The following DYNC2H1 variants were observed in gnomAD, a reference collection of about 807,000 sequenced individuals.
The protein encoded by DYNC2H1 is cytoplasmic dynein 2 heavy chain 1.
Under a neutral mutation model 570.0 loss-of-function variants are expected in DYNC2H1, and 410 were observed. The ratio of observed to expected loss-of-function variants is 0.72; its 90% confidence interval spans 0.66 to 0.78. The LOEUF (loss-of-function observed/expected upper bound fraction) is 0.78, where lower values mean the gene tolerates loss of function less well. Among genes scored for constraint, DYNC2H1 ranks in the 30% least tolerant of loss-of-function variants. DYNC2H1 has a pLI of 0.00. For synonymous variants in DYNC2H1, 1,688 were observed against 1,677.6 expected (o/e 1.01, Z -0.15); for missense variants, 4,865 against 5,046.4 (o/e 0.96, Z 1.09).
chr11:103,137,256 T>G (rs1859616029), intron 17 of DYNC2H1, among the ~76,000 whole-genome samples: 1 of 147,822 alleles, frequency 6.8e-6, no homozygotes, highest in African/African-American at 2.5e-5. Context: ...CAATTTTGGC[T>G]TTTGTTGCCA....
chr11:103,288,931 C>T (rs894848765), intron 75 of DYNC2H1, among the ~76,000 whole-genome samples: 1 of 150,828 alleles, frequency 6.6e-6, no homozygotes, highest in Admixed American at 6.6e-5. Flanking sequence ...CATGCAGCCT[C>T]GGGCTGCAAG....
rs761180016 is a variant in DYNC2H1, at chr11:103,261,593, T to A, written c.10695+1616T>A. ...GACCTCCTGCAAAGTCCAGCAGACC[T>A]GCAGCAGAGGGGCCTGACTGTTAGA... On this transcript the variant is annotated intron_variant, in intron 70 of 88. Transcript: ENST00000375735. The surrounding 1 kb of genome is among the most constrained non-coding windows in gnomAD (Gnocchi z 4.8). Among the ~76,000 whole-genome samples, 8 of 152,148 alleles carry A rather than the reference T, an allele frequency of 5.3e-5. No individual in the cohort carries two copies. Among genetic ancestry groups the A allele is most frequent in the Non-Finnish European group, 8.8e-5 (6 of 68,030 alleles).
rs1945198542 is a variant in DYNC2H1, at chr11:103,466,510, G to A, written c.12649-2079G>A. Among the ~76,000 whole-genome samples, 4 of 151,982 alleles carry A rather than the reference G, an allele frequency of 2.6e-5. No individual in the cohort carries two copies. In the South Asian group the frequency reaches 6.2e-4, roughly 24 times the overall value. On this transcript the variant is annotated intron_variant, in intron 87 of 88. Transcript: ENST00000375735. ...ACTAGTATCTTGTATAACTGACAAA[G>A]GATTAGTACTTAAAACAGATAAAGG...
rs772819492 is a variant in DYNC2H1, at chr11:103,109,625, C to A, written c.51C>A (p.Thr17=). Residue 17 remains threonine (T), a synonymous_variant, in exon 1 of 89, where the codon ACC becomes ACA. Transcript: ENST00000375735. ...DVRKLFIFTT[T]QNYFGLMSEL... is the part of the protein sequence containing the mutation. ...GGAAGCTCTTCATCTTCACTACTAC[C>A]CAGAATTACTTCGGGTTGATGTCTG... 11 of 1,613,968 alleles carry A rather than the reference C, an allele frequency of 6.8e-6. No homozygotes were observed. Among genetic ancestry groups the A allele is most frequent in the Non-Finnish European group, 9.3e-6 (11 of 1,179,884 alleles).
intron 82 of DYNC2H1, among the ~76,000 whole-genome samples, chr11:103,356,553 G>A (rs1340783587): frequency 3.9e-5 from 6 of 152,090 alleles, no homozygotes; most frequent in Non-Finnish European, 7.4e-5. Context: ...TTTAAAACAC[G>A]AATAAGTGAC....
intron 18 of DYNC2H1, among the ~76,000 whole-genome samples, chr11:103,146,685 C>T (rs1303023175): frequency 6.6e-6 from 1 of 150,450 alleles, no homozygotes; most frequent in Non-Finnish European, 1.5e-5. Context: ...TTACTGCAAC[C>T]CCTGCCTTCT....
At chr11:103,421,125 A>G (rs1163738528) in intron 84 of DYNC2H1, among the ~76,000 whole-genome samples, 1 of 152,176 alleles carries the variant, frequency 6.6e-6, no homozygotes, top group Non-Finnish European at 1.5e-5. Flanking sequence ...TTAAAAAAAG[A>G]CAAAGAAGGA....
At chr11:103,459,960 AAAAAAAAAG>A (rs905230843) in intron 87 of DYNC2H1, among the ~76,000 whole-genome samples, 4 of 149,026 alleles carry the variant, frequency 2.7e-5, no homozygotes, top group African/African-American at 9.8e-5. Context: ...CTCCGTCTCA[AAAAAAAAAG>A]AAAAAAAAAA....
intron 83 of DYNC2H1, among the ~76,000 whole-genome samples, chr11:103,368,624 T>C (rs1201117674): frequency 6.6e-6 from 1 of 152,240 alleles, no homozygotes; most frequent in Admixed American, 6.5e-5. Context: ...TTTCTGCTTT[T>C]GTTGCTTGTG....
intron 84 of DYNC2H1, chr11:103,405,229 T>C (rs1217265115): frequency 6.6e-6 from 1 of 151,846 alleles, no homozygotes; most frequent in East Asian, 1.9e-4. Context: ...GTTAATAGTA[T>C]GGTAATGCCG....
chr11:103,403,991 C>A (rs1407423058), intron 84 of DYNC2H1: 1 of 151,820 alleles, frequency 6.6e-6, no homozygotes, highest in Non-Finnish European at 1.5e-5. Context: ...GTCTCGATTT[C>A]TTGGGCATCT....
chr11:103,229,294 G>GA (rs1863916581), intron 59 of DYNC2H1, among the ~76,000 whole-genome samples: 3 of 152,178 alleles, frequency 2.0e-5, no homozygotes, highest in Admixed American at 2.0e-4. Flanking sequence ...TTCTTGCAGC[G>GA]AAAGTTCACC....
At chr11:103,164,845 G>A (rs189542590) in intron 30 of DYNC2H1, among the ~76,000 whole-genome samples, 1 of 152,228 alleles carries the variant, frequency 6.6e-6, no homozygotes, top group African/African-American at 2.4e-5. Context: ...ACAGCAGACT[G>A]TAAAAAATTA....
Position 103,151,286 on chromosome 11 carries a change from A to G in DYNC2H1, c.2947-850A>G, listed in dbSNP as rs1860523901. On this transcript the variant is annotated intron_variant, in intron 20 of 88. Transcript: ENST00000375735. The surrounding 1 kb of genome is among the most constrained non-coding windows in gnomAD (Gnocchi z 4.6). Reference sequence around the variant, plus strand: ...GTTAATTTTTAAAATATATTTTTTTAGAGATGCGTTCTCACTATGTTGCTT... The same window carrying G: ...GTTAATTTTTAAAATATATTTTTTTGGAGATGCGTTCTCACTATGTTGCTT... 6.6e-6 allele frequency among the ~76,000 whole-genome samples: 1 copy of G among 152,048 alleles called. No individual in the cohort carries two copies. Among genetic ancestry groups the G allele is most frequent in the African/African-American group, 2.4e-5 (1 of 41,396 alleles).
At chr11:103,478,895 G>A (rs1308938899) in intron 88 of DYNC2H1, among the ~76,000 whole-genome samples, 200 bp from the exon 89 acceptor site, 2 of 152,148 alleles carry the variant, frequency 1.3e-5, no homozygotes, top group East Asian at 1.9e-4. Context: ...ATACTCCAAT[G>A]TTTGGGGCTA....
chr11:103,399,138 G>GTTTTTTT lies in DYNC2H1; in HGVS notation c.12157-521_12157-515dup, dbSNP rs34549261. Among the ~76,000 whole-genome samples, 54 of 113,888 alleles carry GTTTTTTT rather than the reference G, an allele frequency of 4.7e-4. 3 individuals are homozygous for GTTTTTTT. Among genetic ancestry groups the GTTTTTTT allele is most frequent in the African/African-American group, 6.1e-4 (16 of 26,234 alleles). 74.7% of individuals were successfully genotyped at this position (113,888 alleles called of 152,430 possible). A position where few individuals can be genotyped will look rare whatever the true frequency, so the allele number is the denominator to read the frequency against. ...GTTCTTAATTCTCATTTCCCACACC[G>GTTTTTTT]TTTTTTTTTTGTTTTTTTTTTTGAG... On this transcript the variant is annotated intron_variant, in intron 83 of 88. Coordinates refer to ENST00000375735, the MANE Select transcript of DYNC2H1 (RefSeq NM_001377.3).
rs565548018 is a variant in DYNC2H1 at position 103,256,310 on chromosome 11, G to A, written c.10461+70G>A. 8.5e-6 allele frequency: 12 copies of A among 1,409,618 alleles called. No homozygotes were observed. The East Asian group carries it at 2.6e-4, about 31-fold the overall frequency. 87.3% of individuals were successfully genotyped at this position (1,409,618 alleles called of 1,614,324 possible). A position where few individuals can be genotyped will look rare whatever the true frequency, so the allele number is the denominator to read the frequency against. On this transcript the variant is annotated intron_variant, in intron 68 of 88. Transcript: ENST00000375735. The surrounding 1 kb of genome is among the most constrained non-coding windows in gnomAD (Gnocchi z 4.0). ...CATTTAGGTTAATATGATAGAAAAT[G>A]TAGAATCAGGTCCTCAGGGGAAAGA... is the stretch of plus-strand genomic sequence containing the variant.
At chr11:103,114,308 T>C (rs764459982) in intron 3 of DYNC2H1, 70 bp downstream of exon 3, 9 of 1,398,888 alleles carry the variant, frequency 6.4e-6, no homozygotes, top group Admixed American at 6.1e-5. Flanking sequence ...TAAATGAACA[T>C]ATTTCTTCAT....
chr11:103,440,056 T>C (rs590320), intron 85 of DYNC2H1, among the ~76,000 whole-genome samples: 77,231 of 151,890 alleles, frequency 0.51, 21,373 homozygotes, highest in African/African-American at 0.72. Flanking sequence ...CATTGTCAGC[T>C]TTGGTTTGGT....
Sources: gnomAD v4.1 joint callset for allele counts (sites outside exome capture counted in the v4.1 genomes callset) on GRCh38, gnomAD v4.1.1 for gene constraint, Gnocchi (gnomAD v3.1) non-coding constraint, MANE v1.5 for transcripts, NCBI Gene and HGNC (gene_info 2026-07-23, HGNC 2026-07-21) for gene names.